Variants in CPNE6 observed in about 807,000 individuals in gnomAD.
CPNE6 encodes copine-6.
A neutral mutation model predicts 71.5 loss-of-function variants in CPNE6; 33 were observed. The ratio of observed to expected loss-of-function variants is 0.46; its 90% confidence interval spans 0.35 to 0.62. The LOEUF (loss-of-function observed/expected upper bound fraction) is 0.62. Ranked by LOEUF, CPNE6 falls within the 20% of genes least tolerant of loss-of-function variation. The pLI is 0.00. For missense variants in CPNE6, 576 were observed against 747.3 expected (o/e 0.77, Z 2.67); for synonymous variants, 296 against 293.0 (o/e 1.01, Z -0.10).
Position 24,073,701 on chromosome 14 carries a change from GCTACC to G in CPNE6, c.348+34_348+38del, listed in dbSNP as rs771836087. The stretch of plus-strand genomic sequence containing the variant: ...CAGGTCTGCATTCCCGGCCTCCCCG[GCTACC>G]CTACCCTACCTCCATCAGCTTTGCC... On this transcript the variant is annotated intron_variant, in intron 4 of 17. Transcript: ENST00000397016. This position sits in a 1 kb window ranked among gnomAD's most constrained non-coding sequence, Gnocchi z 5.5. 6.2e-7 allele frequency: 1 copy of G among 1,603,054 alleles called. No individual in the cohort carries two copies. The highest frequency in any genetic ancestry group is 8.5e-7 in the Non-Finnish European group (1 of 1,174,026).
chr14:24,071,501 G>GGCCCCC, intron 1 of CPNE6, 61 bp from the exon 1 acceptor site: 42 of 1,416,672 alleles, frequency 3.0e-5, no homozygotes, highest in Non-Finnish European at 3.4e-5. Context: ...CTGGTGCTGC[G>GGCCCCC]CCCCCCCCCA....
At chr14:24,071,967 G>C in intron 2 of CPNE6, 1 of 316,128 alleles carries the variant, frequency 3.2e-6, no homozygotes, top group Non-Finnish European at 5.9e-6. Flanking sequence ...CACACGACAT[G>C]GGGGGACAGA....
At chr14:24,071,751 C>T (rs1014084574) in intron 2 of CPNE6, 110 bp downstream of exon 1, 42 of 595,062 alleles carry the variant, frequency 7.1e-5, no homozygotes, top group Non-Finnish European at 6.0e-5. Flanking sequence ...TGCCCAATCC[C>T]TTCACCACCA....
Position 24,077,439 on chromosome 14 carries a change from C to T in CPNE6, c.1536+49C>T, listed in dbSNP as rs749533379. The stretch of plus-strand genomic sequence containing the variant: ...GCTGAAGGACTCCTCAGCTTCTCAT[C>T]CCCCCAAATCTGACCTTCGTCTTCC... On this transcript the variant is annotated intron_variant, in intron 16 of 17. Transcript: ENST00000397016. The surrounding 1 kb of genome is among the most constrained non-coding windows in gnomAD (Gnocchi z 6.1). 8.1e-5 allele frequency: 128 copies of T among 1,578,918 alleles called. No homozygotes were observed. Among genetic ancestry groups the T allele is most frequent in the Non-Finnish European group, 1.1e-4 (125 of 1,148,442 alleles).
chr14:24,070,980 G>A (rs1476011459), exon 1 of CPNE6: 7 of 1,535,502 alleles, frequency 4.6e-6, no homozygotes, highest in Non-Finnish European at 6.1e-6. Context: ...AGCAAGGTAT[G>A]TGATGGCTTT....
At position 24,077,349 on chromosome 14, in the gene CPNE6, C is replaced by T. The variant is rs752123761; in HGVS notation, c.1495C>T (p.Arg499Ter). 3 of 1,613,942 alleles carry T rather than the reference C, an allele frequency of 1.9e-6. No homozygotes were observed. The highest frequency in any genetic ancestry group is 2.5e-6 in the Non-Finnish European group (3 of 1,179,988). Residue 499 changes from arginine (R) to a stop codon, truncating the protein, a stop_gained, in exon 16 of 18, where the codon CGA (arginine) becomes TGA (stop). Transcript: ENST00000397016. LOFTEE classifies it high-confidence loss of function. The surrounding 1 kb of genome is among the most constrained non-coding windows in gnomAD (Gnocchi z 6.1). The stretch of plus-strand genomic sequence containing the variant: ...CTGCCCCCGAGGGGTGCCTGCAGCC[C>T]GAGACATTGTCCAGTTCGTGCCCTT...
chr14:24,076,218 C>T lies in CPNE6; in HGVS notation c.994C>T (p.Arg332Ter), dbSNP rs746384542. ...CCAGTCCCTGCACTGCCTCAGTCCCCGACAGCCCAACCACTACCTGCAGGC... is the reference window on the plus strand; with the variant it reads ...CCAGTCCCTGCACTGCCTCAGTCCCTGACAGCCCAACCACTACCTGCAGGC... Residue 332 changes from arginine to a stop codon, truncating the protein, a stop_gained, in exon 12 of 18, where the codon CGA becomes TGA. Coordinates refer to ENST00000397016, the Ensembl canonical transcript of CPNE6. LOFTEE classifies it high-confidence loss of function. 5.6e-6 allele frequency: 9 copies of T among 1,614,210 alleles called. No individual in the cohort carries two copies. Among genetic ancestry groups the T allele is most frequent in the South Asian group, 1.1e-5 (1 of 91,082 alleles).
chr14:24,075,229 A>G lies in CPNE6; in HGVS notation c.730A>G (p.Ser244Gly). 1 of 1,614,170 alleles carries G rather than the reference A, an allele frequency of 6.2e-7. No homozygotes were observed. The highest frequency in any genetic ancestry group is 8.5e-7 in the Non-Finnish European group (1 of 1,180,020). ...GCATGACTTCATCGGCGAGTTCACCAGCACTTTCCAGGAGATGCAGGAAGG... is the reference window on the plus strand; with the variant it reads ...GCATGACTTCATCGGCGAGTTCACCGGCACTTTCCAGGAGATGCAGGAAGG... The change falls in exon 9 of 18, where the codon AGC (serine) becomes GGC (glycine). Residue 244 changes from serine (S) to glycine (G), a missense_variant. Ser to Gly is a moderately conservative substitution (Grantham distance 56, BLOSUM62 0). Around this residue, in one of 4 missense-constraint regions of CPNE6, gnomAD observed 214 missense variants for 291.2 expected, o/e 0.73. Transcript: ENST00000397016. This position sits in a 1 kb window ranked among gnomAD's most constrained non-coding sequence, Gnocchi z 4.3.
Position 24,075,983 on chromosome 14 carries a change from G to T in CPNE6, c.924+97G>T. ...AATCTCCACTGCCCCAACTTGGGCT[G>T]CTCATGAGCCTTCGCATTGTCAGCT... On this transcript the variant is annotated intron_variant, in intron 11 of 17. Transcript: ENST00000397016. The surrounding 1 kb of genome is among the most constrained non-coding windows in gnomAD (Gnocchi z 4.3). 6.5e-7 allele frequency: 1 copy of T among 1,533,330 alleles called. No individual in the cohort carries two copies. The highest frequency in any genetic ancestry group is 9.0e-7 in the Non-Finnish European group (1 of 1,111,080). 95.0% of individuals were successfully genotyped at this position (1,533,330 alleles called of 1,614,324 possible).
chr14:24,071,502 C>CT (rs2035896640), intron 1 of CPNE6, 60 bp from the exon 1 acceptor site: 2 of 447,722 alleles, frequency 4.5e-6, no homozygotes, highest in Non-Finnish European at 7.0e-6. Context: ...TGGTGCTGCG[C>CT]CCCCCCCCAC....
In CPNE6 at chr14:24,073,455, T is replaced by G; in HGVS notation, c.169-44T>G. 1 of 1,589,650 alleles carries G rather than the reference T, an allele frequency of 6.3e-7. No individual in the cohort carries two copies. The highest frequency in any genetic ancestry group is 8.6e-7 in the Non-Finnish European group (1 of 1,167,072). ...CAGTCCAGGACAGGGAAAAGTATCC[T>G]CGGTTCCCAGACAGCCCTCGCCTCC... On this transcript the variant is annotated intron_variant, in intron 3 of 17. Coordinates refer to ENST00000397016, the Ensembl canonical transcript of CPNE6. This position sits in a 1 kb window ranked among gnomAD's most constrained non-coding sequence, Gnocchi z 5.5.
rs745734343 is a variant in CPNE6, at chr14:24,075,518, G to A, written c.791G>A (p.Cys264Tyr). ...GGTGGGGTCTAGATGCAGTGGGACT[G>A]TATCAACCCCAAGTATCGGGACAAG... Residue 264 changes from cysteine to tyrosine, a missense_variant, in exon 10 of 18, where the codon TGT becomes TAT. Coordinates refer to ENST00000397016, the Ensembl canonical transcript of CPNE6. This position sits in a 1 kb window ranked among gnomAD's most constrained non-coding sequence, Gnocchi z 4.3. The A allele has an allele frequency of 2.5e-6, 4 of 1,611,892 alleles. No individual in the cohort carries two copies. Among genetic ancestry groups the A allele is most frequent in the Non-Finnish European group, 3.4e-6 (4 of 1,179,058 alleles).
Position 24,075,223 on chromosome 14 carries a change from T to G in CPNE6, c.724T>G (p.Phe242Val). The change falls in exon 9 of 18, where the codon TTC (phenylalanine) becomes GTC (valine). Residue 242 changes from phenylalanine (F) to valine (V), a missense_variant. Phe to Val is a conservative substitution (Grantham distance 50, BLOSUM62 -1). Coordinates refer to ENST00000397016, the Ensembl canonical transcript of CPNE6. The surrounding 1 kb of genome is among the most constrained non-coding windows in gnomAD (Gnocchi z 4.3). Reference sequence around the variant, plus strand: ...TGGGAAGCATGACTTCATCGGCGAGTTCACCAGCACTTTCCAGGAGATGCA... The same window carrying G: ...TGGGAAGCATGACTTCATCGGCGAGGTCACCAGCACTTTCCAGGAGATGCA... The G allele has an allele frequency of 6.2e-7, 1 of 1,613,770 alleles. No individual in the cohort carries two copies. Among genetic ancestry groups the G allele is most frequent in the African/African-American group, 1.3e-5 (1 of 74,874 alleles).
At chr14:24,072,536 A>C (rs755030468) in intron 2 of CPNE6, 24 of 162,448 alleles carry the variant, frequency 1.5e-4, no homozygotes, top group Non-Finnish European at 2.8e-4. Flanking sequence ...CCCTTGCCCT[A>C]GTTTAGCTCC....
In CPNE6 at chr14:24,076,294, T is replaced by C; in HGVS notation, c.1058+12T>C. The C allele has an allele frequency of 3.1e-6, 5 of 1,613,888 alleles. No homozygotes were observed. The highest frequency in any genetic ancestry group is 4.2e-6 in the Non-Finnish European group (5 of 1,179,942). ...CAGGACTATGACAGGTAGGAGAGAG[T>C]GGGGCGGGAGGGAACAGGCAGGGAG... On this transcript the variant is annotated intron_variant, in intron 12 of 17. Coordinates refer to ENST00000397016, the Ensembl canonical transcript of CPNE6.
intron 1 of CPNE6, 67 bp from the exon 1 acceptor site, chr14:24,071,495 T>A (rs2035895703): frequency 5.9e-6 from 9 of 1,526,190 alleles, no homozygotes; most frequent in African/African-American, 1.4e-5. Flanking sequence ...GGGGAGCTGG[T>A]GCTGCGCCCC....
intron 1 of CPNE6, chr14:24,071,078 A>T: frequency 6.7e-7 from 1 of 1,490,524 alleles, no homozygotes; most frequent in South Asian, 1.2e-5. Flanking sequence ...GTGTTCCTGT[A>T]TATGTGACTG....
rs902048715 is a variant in CPNE6, at chr14:24,075,140, A to G, written c.673-32A>G. 42 of 1,541,436 alleles carry G rather than the reference A, an allele frequency of 2.7e-5. No individual in the cohort carries two copies. The highest frequency in any genetic ancestry group is 3.4e-5 in the Non-Finnish European group (38 of 1,114,026). On this transcript the variant is annotated intron_variant, in intron 8 of 17. Coordinates refer to ENST00000397016, the Ensembl canonical transcript of CPNE6. This position sits in a 1 kb window ranked among gnomAD's most constrained non-coding sequence, Gnocchi z 4.3. ...CCGTGAATACCGCAGAGCATCTCCA[A>G]CCTGACCCCACCCCTCCCCCTGCCT...
chr14:24,074,729 C>T lies in CPNE6; in HGVS notation c.606C>T (p.Pro202=). ...AGGTGGTGAAGAACAACCTGAACCC[C>T]AGCTGGGAGCCGTTCCGCCTGTCCC... The change falls in exon 8 of 18, where the codon CCC becomes CCT. Residue 202 remains proline (P), a synonymous_variant. Coordinates refer to ENST00000397016, the Ensembl canonical transcript of CPNE6. This position sits in a 1 kb window ranked among gnomAD's most constrained non-coding sequence, Gnocchi z 4.5. 1 of 1,614,104 alleles carries T rather than the reference C, an allele frequency of 6.2e-7. No individual in the cohort carries two copies.
Sources: allele counts gnomAD v4.1 joint callset, GRCh38; gene constraint gnomAD v4.1.1; regional missense constraint gnomAD v4.1.1; non-coding constraint Gnocchi (gnomAD v3.1); transcripts MANE v1.5; gene names NCBI Gene and HGNC (gene_info 2026-07-23, HGNC 2026-07-21).